The following ADCY2 variants were observed in gnomAD, a reference collection of about 807,000 sequenced individuals.
The protein encoded by ADCY2 is adenylate cyclase 2.
In ADCY2, 31 loss-of-function variants were observed where a neutral mutation model predicts 125.2. The ratio of observed to expected loss-of-function variants is 0.25; its 90% CI spans 0.19 to 0.33. The LOEUF is 0.33. Among genes scored for constraint, ADCY2 ranks in the 10% least tolerant of loss-of-function variants. ADCY2 has a pLI of 1.00. For synonymous variants in ADCY2, 512 were observed against 548.4 expected (o/e 0.93, Z 0.93); for missense variants, 904 against 1,418.2 (o/e 0.64, Z 5.82).
chr5:7,422,420 G>GT (rs1034823330), intron 2 of ADCY2, among the ~76,000 whole-genome samples: 2 of 151,674 alleles, frequency 1.3e-5, no homozygotes, highest in African/African-American at 2.4e-5. Context: ...CTCTGAGATG[G>GT]TTTTTTTTCA....
chr5:7,815,341 G>A lies in ADCY2; in HGVS notation c.2884-1525G>A, dbSNP rs183234325. Among the ~76,000 whole-genome samples, 8 of 152,230 alleles carry A rather than the reference G, an allele frequency of 5.3e-5. No homozygotes were observed. In the East Asian group the frequency reaches 1.5e-3, roughly 29 times the overall value. On this transcript the variant is annotated intron_variant, in intron 22 of 24. Transcript: ENST00000338316. ...GAAAAGACACAAGGCACTGGCTTCC[G>A]TGCTAACACGGACATCCATTCGGCC...
chr5:7,600,133 T>C (rs1041195378), intron 3 of ADCY2, among the ~76,000 whole-genome samples: 4 of 152,166 alleles, frequency 2.6e-5, no homozygotes, highest in African/African-American at 7.2e-5. Flanking sequence ...TGAGGAAATA[T>C]GGTGCACACC....
rs569557763 is a variant in ADCY2 at position 7,829,728 on chromosome 5, G to A, written c.*2857G>A. On this transcript the variant is annotated 3_prime_UTR_variant, in exon 25 of 25. Coordinates refer to ENST00000338316, the MANE Select transcript of ADCY2 (RefSeq NM_020546.3). The stretch of plus-strand genomic sequence containing the variant: ...TGTTATTCTTCCTTCCCAACTCACT[G>A]TGCTCCTAAAGGCAGCAACCATTCA... 1 of 152,514 alleles carries A rather than the reference G, an allele frequency of 6.6e-6. No individual in the cohort carries two copies. The highest frequency in any genetic ancestry group is 1.9e-4 in the East Asian group (1 of 5,322). The allele number at this position is 152,514 out of a possible 1,614,324, so 9.4% of individuals were successfully genotyped here. A position where few individuals can be genotyped will look rare whatever the true frequency, so the allele number is the denominator to read the frequency against.
At chr5:7,581,228 C>T (rs368662975) in intron 3 of ADCY2, among the ~76,000 whole-genome samples, 22 of 152,066 alleles carry the variant, frequency 1.4e-4, no homozygotes, top group African/African-American at 5.3e-4. Context: ...GATATGATAA[C>T]ATCATATTGA....
At chr5:7,591,343 T>C (rs1736844988) in intron 3 of ADCY2, among the ~76,000 whole-genome samples, 1 of 152,134 alleles carries the variant, frequency 6.6e-6, no homozygotes, top group African/African-American at 2.4e-5. Flanking sequence ...ATAGGTTCTA[T>C]CAGAAAGTTT....
chr5:7,601,305 GTGA>G (rs1460657364), intron 3 of ADCY2, among the ~76,000 whole-genome samples: 1 of 151,306 alleles, frequency 6.6e-6, no homozygotes, highest in Non-Finnish European at 1.5e-5. Flanking sequence ...AACAAATATC[GTGA>G]TGAATTAAAA....
At chr5:7,498,551 T>C (rs948504262) in intron 2 of ADCY2, among the ~76,000 whole-genome samples, 2 of 152,172 alleles carry the variant, frequency 1.3e-5, no homozygotes, top group Non-Finnish European at 2.9e-5. Context: ...CCCGGCCAAG[T>C]AAAACTCTTA....
chr5:7,648,869 A>G (rs1439475948), intron 4 of ADCY2, among the ~76,000 whole-genome samples: 1 of 152,150 alleles, frequency 6.6e-6, no homozygotes, highest in African/African-American at 2.4e-5. Flanking sequence ...TCTTTTGCCC[A>G]TGGTTATGGC....
intron 6 of ADCY2, among the ~76,000 whole-genome samples, chr5:7,697,956 G>A (rs145896539): frequency 7.2e-5 from 11 of 152,288 alleles, no homozygotes; most frequent in African/African-American, 2.6e-4. Flanking sequence ...AAAGAGATTG[G>A]CCCCATCACC....
At chr5:7,769,245 C>T (rs946490023) in intron 17 of ADCY2, among the ~76,000 whole-genome samples, 17 of 151,718 alleles carry the variant, frequency 1.1e-4, no homozygotes, top group Admixed American at 1.1e-3. Flanking sequence ...GTAACATCAA[C>T]AAAAAGAAAG....
At chr5:7,652,431 G>C (rs1739128068) in intron 4 of ADCY2, among the ~76,000 whole-genome samples, 1 of 152,134 alleles carries the variant, frequency 6.6e-6, no homozygotes, top group African/African-American at 2.4e-5. Context: ...TTTTCCCATT[G>C]ATCTTTTTTA....
chr5:7,740,976 C>T (rs535948343), intron 14 of ADCY2, among the ~76,000 whole-genome samples: 13 of 151,972 alleles, frequency 8.6e-5, no homozygotes, highest in African/African-American at 3.1e-4. Context: ...AAAGAACAGA[C>T]CTTAATAATA....
intron 14 of ADCY2, among the ~76,000 whole-genome samples, chr5:7,743,393 G>A (rs945130403): frequency 8.6e-5 from 13 of 151,924 alleles, no homozygotes; most frequent in South Asian, 8.3e-4. Flanking sequence ...GAACATGGGC[G>A]AGTCATTTAA....
chr5:7,460,461 A>T (rs730604), intron 2 of ADCY2, among the ~76,000 whole-genome samples: 41,872 of 152,084 alleles, frequency 0.28, 6,484 homozygotes, highest in East Asian at 0.58. Flanking sequence ...AGTTGTTTTT[A>T]AAATTTTTTT....
intron 3 of ADCY2, among the ~76,000 whole-genome samples, chr5:7,562,219 C>G (rs576637537): frequency 3.7e-4 from 56 of 151,678 alleles, no homozygotes; most frequent in African/African-American, 1.3e-3. Context: ...CTGTTTTTTC[C>G]ACATAGATGA....
chr5:7,752,400 T>C (rs1742855512), intron 15 of ADCY2, among the ~76,000 whole-genome samples: 1 of 152,178 alleles, frequency 6.6e-6, no homozygotes, highest in Non-Finnish European at 1.5e-5. Flanking sequence ...CCAAGCAAGA[T>C]TTTTAAGATG....
chr5:7,597,129 C>T (rs1737031900), intron 3 of ADCY2, among the ~76,000 whole-genome samples: 1 of 152,166 alleles, frequency 6.6e-6, no homozygotes, highest in Non-Finnish European at 1.5e-5. Flanking sequence ...GTCTGAAGGG[C>T]AAGGAAACAA....
intron 3 of ADCY2, among the ~76,000 whole-genome samples, chr5:7,551,633 A>C (rs1227105940): frequency 6.6e-6 from 1 of 152,208 alleles, no homozygotes; most frequent in Non-Finnish European, 1.5e-5. Flanking sequence ...AGTGATTCCC[A>C]AGGGTTGAAT....
intron 2 of ADCY2, among the ~76,000 whole-genome samples, chr5:7,492,495 A>G (rs1475210344): frequency 6.6e-6 from 1 of 152,194 alleles, no homozygotes. Context: ...CAGAAGATGA[A>G]CAGATATTAA....
Sources: allele counts gnomAD v4.1 joint callset (sites outside exome capture counted in the v4.1 genomes callset), GRCh38; gene constraint gnomAD v4.1.1; transcripts MANE v1.5; gene names NCBI Gene and HGNC (gene_info 2026-07-23, HGNC 2026-07-21).